CARMIL1: variants seen among roughly 807,000 people sequenced by gnomAD.
CARMIL1 encodes the protein capping protein regulator and myosin 1 linker 1.
Under a neutral mutation model 177.1 loss-of-function variants are expected in CARMIL1, and 90 were observed. That is an observed-to-expected ratio of 0.51 (90% confidence interval 0.43 to 0.61). CARMIL1 has a LOEUF of 0.61. Ranked by LOEUF, CARMIL1 falls within the 20% of genes least tolerant of loss-of-function variation. CARMIL1 has a pLI of 0.00. For synonymous variants in CARMIL1, 577 were observed against 606.2 expected, an observed-to-expected ratio of 0.95 and a Z score of 0.71; for missense variants, 1,380 against 1,667.0, an observed-to-expected ratio of 0.83 and a Z score of 3.00.
At chr6:25,408,696 A>T (rs1367399705) in intron 2 of CARMIL1, among the ~76,000 whole-genome samples, 2 of 151,998 alleles carry the variant, frequency 1.3e-5, no homozygotes, top group African/African-American at 2.4e-5. Context: ...GCATGATTGG[A>T]TGCTGTATTG....
chr6:25,527,790 T>G, intron 23 of CARMIL1: 1 of 331,512 alleles, frequency 3.0e-6, no homozygotes, highest in South Asian at 2.6e-5. Context: ...ATTTTAATAG[T>G]TTCTAATTGA....
chr6:25,402,074 CA>C (rs1793935564), intron 2 of CARMIL1, among the ~76,000 whole-genome samples: 1 of 149,416 alleles, frequency 6.7e-6, no homozygotes, highest in African/African-American at 2.5e-5. Flanking sequence ...TATATATTTA[CA>C]CTGTGAAATT....
chr6:25,607,541 G>A (rs1385904936), intron 35 of CARMIL1, among the ~76,000 whole-genome samples: 1 of 152,176 alleles, frequency 6.6e-6, no homozygotes, highest in East Asian at 1.9e-4. Flanking sequence ...GTAGCCGCCA[G>A]ATGTTCTGAC....
At chr6:25,382,124 G>A (rs573413248) in intron 2 of CARMIL1, among the ~76,000 whole-genome samples, 1 of 152,098 alleles carries the variant, frequency 6.6e-6, no homozygotes, top group African/African-American at 2.4e-5. Flanking sequence ...TTAAGACAGA[G>A]TCTCACTCTG....
rs139452424 is a variant in CARMIL1 at position 25,596,647 on chromosome 6, T to C, written c.3119+2120T>C. On this transcript the variant is annotated intron_variant, in intron 32 of 36. Transcript: ENST00000329474. ...GAGTGTCTCTTATCTGAAATGCTTG[T>C]GACCAGAAGTGTTTCAATATTTGGG... 4.5e-3 allele frequency among the ~76,000 whole-genome samples: 693 copies of C among 152,336 alleles called. 10 individuals are homozygous for C. The highest frequency in any genetic ancestry group is 5.3e-3 in the Non-Finnish European group (363 of 68,026).
At chr6:25,564,603 T>A (rs971110046) in intron 29 of CARMIL1, among the ~76,000 whole-genome samples, 11 of 152,166 alleles carry the variant, frequency 7.2e-5, no homozygotes, top group Non-Finnish European at 1.2e-4. Context: ...TTGCCTTCTG[T>A]CTTATGGACA....
In CARMIL1 at chr6:25,519,016, A is replaced by G. The variant is rs142177213; in HGVS notation, c.1875-1228A>G. Among the ~76,000 whole-genome samples, 442 of 152,322 alleles carry G rather than the reference A, an allele frequency of 2.9e-3. 5 individuals are homozygous for G. Among genetic ancestry groups the G allele is most frequent in the African/African-American group, 9.6e-3 (399 of 41,578 alleles). ...GAAATTACAGCTTTCTCTTTGTCTGATTATTTTACATGAAGCTACTCTATA... is the reference window on the plus strand; with the variant it reads ...GAAATTACAGCTTTCTCTTTGTCTGGTTATTTTACATGAAGCTACTCTATA... On this transcript the variant is annotated intron_variant, in intron 22 of 36. Transcript: ENST00000329474.
chr6:25,285,859 G>A (rs931319916), intron 2 of CARMIL1, among the ~76,000 whole-genome samples: 2 of 151,782 alleles, frequency 1.3e-5, no homozygotes, highest in Non-Finnish European at 2.9e-5. Flanking sequence ...TATTGAAAGA[G>A]TATAATTTCT....
At chr6:25,480,898 T>A (rs1802062867) in intron 11 of CARMIL1, among the ~76,000 whole-genome samples, 1 of 151,898 alleles carries the variant, frequency 6.6e-6, no homozygotes, top group Non-Finnish European at 1.5e-5. Flanking sequence ...TTTTTTGTAT[T>A]TTTAGTAGAA....
intron 8 of CARMIL1, among the ~76,000 whole-genome samples, chr6:25,461,209 T>A (rs1369354968): frequency 6.6e-6 from 1 of 152,232 alleles, no homozygotes; most frequent in Non-Finnish European, 1.5e-5. Context: ...TTACCTTGCC[T>A]CTGATACCTC....
At chr6:25,306,193 G>A (rs1007490681) in intron 2 of CARMIL1, among the ~76,000 whole-genome samples, 2 of 151,918 alleles carry the variant, frequency 1.3e-5, no homozygotes, top group African/African-American at 2.4e-5. Context: ...ATAATACGTG[G>A]CCTTTTGTGT....
chr6:25,304,525 G>A (rs778523750), intron 2 of CARMIL1, among the ~76,000 whole-genome samples: 19 of 152,132 alleles, frequency 1.2e-4, no homozygotes, highest in Admixed American at 2.6e-4. Context: ...TGCTTCCCTC[G>A]CATGTGCAGT....
At chr6:25,393,184 T>G (rs1793047602) in intron 2 of CARMIL1, among the ~76,000 whole-genome samples, 1 of 152,188 alleles carries the variant, frequency 6.6e-6, no homozygotes, top group Non-Finnish European at 1.5e-5. Flanking sequence ...ATTTCTGAAA[T>G]AGCAATGATA....
intron 29 of CARMIL1, among the ~76,000 whole-genome samples, chr6:25,565,700 C>T (rs1221601766): frequency 3.3e-5 from 5 of 152,126 alleles, no homozygotes; most frequent in Non-Finnish European, 5.9e-5. Flanking sequence ...CAAAAATTAG[C>T]TGGGCGTGAT....
chr6:25,305,574 T>C (rs1458270275), intron 2 of CARMIL1, among the ~76,000 whole-genome samples: 1 of 152,266 alleles, frequency 6.6e-6, no homozygotes, highest in Non-Finnish European at 1.5e-5. Flanking sequence ...CTTCCTTCTC[T>C]AATATGGTCT....
At chr6:25,560,832 A>G (rs955349385) in intron 29 of CARMIL1, among the ~76,000 whole-genome samples, 30 of 152,216 alleles carry the variant, frequency 2.0e-4, no homozygotes, top group Admixed American at 1.4e-3. Flanking sequence ...CAGAAACACA[A>G]ATAGAAGGCG....
At chr6:25,474,184 C>T (rs530415447) in intron 11 of CARMIL1, among the ~76,000 whole-genome samples, 11 of 151,654 alleles carry the variant, frequency 7.3e-5, no homozygotes, top group East Asian at 1.9e-4. Context: ...CTTGGCTCAC[C>T]GCAAGCTCTG....
intron 2 of CARMIL1, among the ~76,000 whole-genome samples, chr6:25,380,333 C>T (rs1791399714): frequency 6.6e-6 from 1 of 152,214 alleles, no homozygotes; most frequent in Non-Finnish European, 1.5e-5. Flanking sequence ...GGCCGATTCT[C>T]TGTTGTAGAT....
chr6:25,609,198 G>A (rs1816275164), intron 35 of CARMIL1, among the ~76,000 whole-genome samples: 1 of 152,026 alleles, frequency 6.6e-6, no homozygotes, highest in African/African-American at 2.4e-5. Context: ...CAGGCGCGGT[G>A]GCTCACACCT....
Sources: allele counts gnomAD v4.1 joint callset (sites outside exome capture counted in the v4.1 genomes callset), GRCh38; gene constraint gnomAD v4.1.1; transcripts MANE v1.5; gene names NCBI Gene and HGNC (gene_info 2026-07-23, HGNC 2026-07-21).